The following VEGFC variants were observed in gnomAD, a reference collection of about 807,000 sequenced individuals.
The protein encoded by VEGFC is FLT4 ligand DHM.
A neutral mutation model predicts 46.1 loss-of-function variants in VEGFC; 12 were observed. That is an observed-to-expected ratio of 0.26 (90% confidence interval 0.17 to 0.42). The LOEUF (loss-of-function observed/expected upper bound fraction) is 0.42. Ranked by LOEUF, VEGFC falls within the 10% of genes least tolerant of loss-of-function variation. VEGFC has a pLI of 1.00. For missense variants in VEGFC, 488 were observed against 529.4 expected, an observed-to-expected ratio of 0.92 and a Z score of 0.77; for synonymous variants, 232 against 195.5, an observed-to-expected ratio of 1.19 and a Z score of -1.56.
chr4:176,772,853 T>C (rs186792240), intron 1 of VEGFC, among the ~76,000 whole-genome samples: 6 of 152,304 alleles, frequency 3.9e-5, no homozygotes, highest in Non-Finnish European at 7.3e-5. Flanking sequence ...CCCTGGACTT[T>C]CCAGTCTTCA....
At chr4:176,747,403 A>G (rs1295359724) in intron 1 of VEGFC, among the ~76,000 whole-genome samples, 1 of 152,158 alleles carries the variant, frequency 6.6e-6, no homozygotes, top group Admixed American at 6.6e-5. Flanking sequence ...AAAAAAAGAA[A>G]TAGCACAGTC....
intron 1 of VEGFC, among the ~76,000 whole-genome samples, chr4:176,746,345 C>T (rs770276064): frequency 2.6e-5 from 4 of 151,956 alleles, no homozygotes; most frequent in African/African-American, 4.8e-5. Context: ...CAGAGCTGGG[C>T]ATTCTCTGGA....
chr4:176,688,845 C>A (rs1317730234), intron 4 of VEGFC, among the ~76,000 whole-genome samples: 1 of 152,152 alleles, frequency 6.6e-6, no homozygotes, highest in Admixed American at 6.5e-5. Flanking sequence ...CTGGCATCAG[C>A]CATTTCTTCA....
At chr4:176,728,044 A>G (rs939395333) in intron 2 of VEGFC, 76 bp from the exon 3 acceptor site, 8 of 1,205,306 alleles carry the variant, frequency 6.6e-6, no homozygotes, top group Non-Finnish European at 9.2e-6. Context: ...GCTGCAAATC[A>G]CTCACATTCA....
intron 1 of VEGFC, among the ~76,000 whole-genome samples, chr4:176,783,035 G>C (rs1484102341): frequency 6.6e-6 from 1 of 152,184 alleles, no homozygotes; most frequent in Non-Finnish European, 1.5e-5. Context: ...GTAGTCTTCA[G>C]CACAGGGTAA....
chr4:176,691,916 C>G (rs1237428837), intron 4 of VEGFC, among the ~76,000 whole-genome samples: 2 of 152,274 alleles, frequency 1.3e-5, no homozygotes, highest in East Asian at 1.9e-4. Flanking sequence ...GAGTGCCAGA[C>G]AGTGGGCGCA....
At chr4:176,713,248 TA>T (rs1287430929) in intron 3 of VEGFC, among the ~76,000 whole-genome samples, 1 of 152,190 alleles carries the variant, frequency 6.6e-6, no homozygotes, top group Non-Finnish European at 1.5e-5. Context: ...GTTTCTTATC[TA>T]AAAAGATACC....
At chr4:176,769,344 T>A (rs1735685441) in intron 1 of VEGFC, among the ~76,000 whole-genome samples, 2 of 152,126 alleles carry the variant, frequency 1.3e-5, no homozygotes, top group African/African-American at 4.8e-5. Flanking sequence ...GACCTATGAG[T>A]ATAATAAACT....
chr4:176,723,211 T>C (rs1448128320), intron 3 of VEGFC, among the ~76,000 whole-genome samples: 1 of 152,188 alleles, frequency 6.6e-6, no homozygotes, highest in Non-Finnish European at 1.5e-5. Context: ...TCCTTATCTG[T>C]AAGAGAAACA....
intron 4 of VEGFC, among the ~76,000 whole-genome samples, chr4:176,709,413 C>A (rs1213284944): frequency 6.6e-6 from 1 of 152,176 alleles, no homozygotes; most frequent in African/African-American, 2.4e-5. Context: ...CCACATGCAA[C>A]ATTTGCAGAC....
At chr4:176,697,007 G>T (rs1373560649) in intron 4 of VEGFC, among the ~76,000 whole-genome samples, 3 of 150,774 alleles carry the variant, frequency 2.0e-5, no homozygotes, top group African/African-American at 7.4e-5. Flanking sequence ...AGACTTAAAC[G>T]TTAGACCTAA....
chr4:176,775,158 C>G (rs568589165), intron 1 of VEGFC, among the ~76,000 whole-genome samples: 2 of 152,128 alleles, frequency 1.3e-5, no homozygotes, highest in African/African-American at 4.8e-5. Context: ...AGCAAGTAAC[C>G]TGCAGACAGA....
chr4:176,714,008 A>AAG (rs1273701945), intron 3 of VEGFC, among the ~76,000 whole-genome samples: 1 of 152,186 alleles, frequency 6.6e-6, no homozygotes, highest in Non-Finnish European at 1.5e-5. Flanking sequence ...GACGGGGGAC[A>AAG]AGAAGAGGTG....
rs200182587 is a variant in VEGFC at position 176,687,827 on chromosome 4, C to T, written c.805G>A (p.Gly269Arg). ...AAAGCATCATTCTGCTTACCATCTC[C>T]AGCATCCGAGGAAAACATAAAATCT... ...QEDFMFSSDA[G>R]DDSTDGFHDI... Residue 269 changes from glycine (G) to arginine (R), a missense_variant, in exon 5 of 7, where the codon GGA (glycine) becomes AGA (arginine). By Grantham distance (125) the Gly-to-Arg change is moderately radical. Transcript: ENST00000618562. 540 of 1,609,718 alleles carry T rather than the reference C, an allele frequency of 3.4e-4. 2 individuals carry two copies. The highest frequency in any genetic ancestry group is 2.0e-3 in the Middle Eastern group (12 of 6,036).
chr4:176,717,827 T>C (rs917375345), intron 3 of VEGFC, among the ~76,000 whole-genome samples: 6 of 152,108 alleles, frequency 3.9e-5, no homozygotes, highest in African/African-American at 1.4e-4. Context: ...AAAGAAATAA[T>C]GCCCCAAAAT....
chr4:176,733,032 T>C (rs1455458962), intron 1 of VEGFC, among the ~76,000 whole-genome samples: 1 of 151,852 alleles, frequency 6.6e-6, no homozygotes, highest in African/African-American at 2.4e-5. Flanking sequence ...TATAATGCAT[T>C]AAATTAGAGA....
chr4:176,696,240 G>T (rs574695448), intron 4 of VEGFC, among the ~76,000 whole-genome samples: 1 of 151,088 alleles, frequency 6.6e-6, no homozygotes, highest in Non-Finnish European at 1.5e-5. Flanking sequence ...AAACCCCATT[G>T]TCTCAGCCAA....
In VEGFC at chr4:176,792,808, A is replaced by AGGGCGGCT. The variant is rs1736127869; in HGVS notation, c.-498_-497insAGCCGCCC. The AGGGCGGCT allele has an allele frequency of 7.0e-6, 1 of 143,264 alleles. No homozygotes were observed. Among genetic ancestry groups the AGGGCGGCT allele is most frequent in the South Asian group, 1.9e-4 (1 of 5,388 alleles). The allele number at this position is 143,264 out of a possible 1,614,324, so 8.9% of individuals were successfully genotyped here. A position where few individuals can be genotyped will look rare whatever the true frequency, so the allele number is the denominator to read the frequency against. On this transcript the variant is annotated 5_prime_UTR_variant, in exon 1 of 7. The change abolishes the stop of an existing upstream ORF in the 5' untranslated region. Transcript: ENST00000618562. This position sits in a 1 kb window ranked among gnomAD's most constrained non-coding sequence, Gnocchi z 6.3. The stretch of plus-strand genomic sequence containing the variant: ...TGGCGGCGGTGCCGGGGGCGGGAGG[A>AGGGCGGCT]GGGCGGCGGGGCGGCTGGCGGCGGC...
intron 4 of VEGFC, among the ~76,000 whole-genome samples, chr4:176,693,524 G>C (rs1425852951): frequency 7.0e-6 from 1 of 142,028 alleles, no homozygotes. Flanking sequence ...AAGTGATGGG[G>C]AGAATGGAAC....
Sources: gnomAD v4.1 joint callset for allele counts (sites outside exome capture counted in the v4.1 genomes callset) on GRCh38, gnomAD v4.1.1 for gene constraint, Gnocchi (gnomAD v3.1) non-coding constraint, MANE v1.5 for transcripts, NCBI Gene and HGNC (gene_info 2026-07-23, HGNC 2026-07-21) for gene names.